The following DPP10 variants were observed in gnomAD, a reference collection of about 807,000 sequenced individuals.
DPP10 encodes the protein dipeptidyl peptidase like 10.
DPP10 carries 33 observed loss-of-function variants against 120.9 expected under a neutral mutation model. The observed-to-expected ratio is 0.27, with a 90% CI of 0.21 to 0.37. DPP10 has a LOEUF of 0.37. DPP10 is among the 10% of genes least tolerant of loss of function. DPP10 has a pLI of 1.00. For missense variants in DPP10, 816 were observed against 942.8 expected, an observed-to-expected ratio of 0.87 and a Z score of 1.76; for synonymous variants, 337 against 326.1, an observed-to-expected ratio of 1.03 and a Z score of -0.36.
Position 114,548,314 on chromosome 2 carries a change from G to A in DPP10, c.60+105476G>A, listed in dbSNP as rs554425145. On this transcript the variant is annotated intron_variant, in intron 1 of 25. Coordinates refer to ENST00000410059, the MANE Select transcript of DPP10 (RefSeq NM_020868.6). ...TCATAGCACCATGCTCAGAAATGGTGATGTCATGTTAAGGTACAAAATAAA... is the reference window on the plus strand; with the variant it reads ...TCATAGCACCATGCTCAGAAATGGTAATGTCATGTTAAGGTACAAAATAAA... Among the ~76,000 whole-genome samples, 62 of 152,138 alleles carry A rather than the reference G, an allele frequency of 4.1e-4. 1 individual carries two copies. The highest frequency in any genetic ancestry group is 1.6e-3 in the Admixed American group (24 of 15,274).
At chr2:115,033,893 CT>C (rs965717193) in intron 1 of DPP10, among the ~76,000 whole-genome samples, 2,048 of 89,910 alleles carry the variant, frequency 0.023, 22 homozygotes, top group African/African-American at 0.077. Flanking sequence ...TTTTCTTTTT[CT>C]TTTTTTTTTT....
chr2:115,441,817 C>CTTTTTTTTTT (rs561102084), intron 3 of DPP10, among the ~76,000 whole-genome samples: 2 of 124,480 alleles, frequency 1.6e-5, no homozygotes, highest in African/African-American at 6.3e-5. Flanking sequence ...TTCTTTCTTT[C>CTTTTTTTTTT]TTTTTTTTTT....
At chr2:115,539,740 A>G (rs554828201) in intron 5 of DPP10, among the ~76,000 whole-genome samples, 1 of 151,820 alleles carries the variant, frequency 6.6e-6, no homozygotes, top group Non-Finnish European at 1.5e-5. Flanking sequence ...ATCTTTTTTG[A>G]AAAGTATCAA....
At chr2:115,602,994 G>A (rs1010395044) in intron 5 of DPP10, among the ~76,000 whole-genome samples, 1 of 151,960 alleles carries the variant, frequency 6.6e-6, no homozygotes, top group Non-Finnish European at 1.5e-5. Context: ...ATGCTTATTG[G>A]CATGTTACCT....
intron 1 of DPP10, among the ~76,000 whole-genome samples, chr2:114,738,132 A>G (rs1419779412): frequency 6.6e-6 from 1 of 152,178 alleles, no homozygotes; most frequent in African/African-American, 2.4e-5. Context: ...AGAATTCACT[A>G]TCACAAGAAC....
At chr2:115,707,657 A>G (rs978139781) in intron 7 of DPP10, among the ~76,000 whole-genome samples, 4 of 151,872 alleles carry the variant, frequency 2.6e-5, no homozygotes, top group African/African-American at 9.7e-5. Context: ...AACTTAAATT[A>G]TTATTATGGG....
chr2:115,666,378 A>G (rs1416716199), intron 5 of DPP10, among the ~76,000 whole-genome samples: 2 of 152,174 alleles, frequency 1.3e-5, no homozygotes, highest in African/African-American at 4.8e-5. Flanking sequence ...CCTCACTTGT[A>G]AAATCATCAG....
At chr2:114,606,796 T>C (rs1692844218) in intron 1 of DPP10, among the ~76,000 whole-genome samples, 2 of 152,216 alleles carry the variant, frequency 1.3e-5, no homozygotes, top group Admixed American at 1.3e-4. Flanking sequence ...TATTTAAACC[T>C]GGACTCTCTT....
At chr2:114,790,849 A>C (rs1683179201) in intron 1 of DPP10, among the ~76,000 whole-genome samples, 1 of 152,200 alleles carries the variant, frequency 6.6e-6, no homozygotes, top group South Asian at 2.1e-4. Flanking sequence ...TTCTTCAGTT[A>C]CTTCAGGCCA....
chr2:115,784,830 C>A (rs532242760), intron 17 of DPP10, among the ~76,000 whole-genome samples: 1 of 152,258 alleles, frequency 6.6e-6, no homozygotes, highest in Non-Finnish European at 1.5e-5. Context: ...CCATGCCTAG[C>A]AGAAACTTAA....
At chr2:115,448,760 C>T (rs1472266381) in intron 3 of DPP10, among the ~76,000 whole-genome samples, 2 of 152,026 alleles carry the variant, frequency 1.3e-5, no homozygotes, top group Non-Finnish European at 2.9e-5. Context: ...TTATAAAATG[C>T]TATTCCATTT....
intron 9 of DPP10, among the ~76,000 whole-genome samples, chr2:115,744,141 A>G (rs1470382545): frequency 6.6e-6 from 1 of 150,634 alleles, no homozygotes; most frequent in Non-Finnish European, 1.5e-5. Flanking sequence ...AGAGATTCTA[A>G]TTCCAAGTCT....
intron 1 of DPP10, among the ~76,000 whole-genome samples, chr2:115,103,836 C>G (rs1287056790): frequency 3.3e-5 from 5 of 152,104 alleles, no homozygotes; most frequent in African/African-American, 4.8e-5. Flanking sequence ...GCTTCCCAAC[C>G]AGGAATGTAC....
At chr2:115,755,084 C>A (rs1295910719) in intron 11 of DPP10, among the ~76,000 whole-genome samples, 2 of 152,142 alleles carry the variant, frequency 1.3e-5, no homozygotes, top group Non-Finnish European at 2.9e-5. Flanking sequence ...CAGAAAGTTT[C>A]TTTGTCCTCT....
At chr2:114,812,761 T>C (rs1468855124) in intron 1 of DPP10, among the ~76,000 whole-genome samples, 1 of 152,168 alleles carries the variant, frequency 6.6e-6, no homozygotes, top group Non-Finnish European at 1.5e-5. Context: ...TGTTTGTTTT[T>C]GTCTGTCATA....
chr2:114,525,246 A>G (rs1253740618), intron 1 of DPP10, among the ~76,000 whole-genome samples: 1 of 152,256 alleles, frequency 6.6e-6, no homozygotes, highest in Admixed American at 6.5e-5. Context: ...TATTTGGCAA[A>G]GAAGGTAATG....
At chr2:114,579,660 T>G (rs1394765597) in intron 1 of DPP10, among the ~76,000 whole-genome samples, 3 of 152,186 alleles carry the variant, frequency 2.0e-5, no homozygotes, top group Admixed American at 1.3e-4. Context: ...AGTATAAGAC[T>G]TGGGAGCTTT....
rs148549957 is a variant in DPP10, at chr2:115,122,787, C to A, written c.61-186452C>A. On this transcript the variant is annotated intron_variant, in intron 1 of 25. Transcript: ENST00000410059. ...TACACGGCCTTAGGCTTTAGCCCTA[C>A]CACTCTCAGGAGCCTCCTGTCCAAG... Among the ~76,000 whole-genome samples the A allele has an allele frequency of 4.7e-3, 719 of 152,268 alleles. 3 individuals carry two copies. Among genetic ancestry groups the A allele is most frequent in the Non-Finnish European group, 7.7e-3 (525 of 68,016 alleles).
chr2:115,177,198 G>T (rs1283512814), intron 1 of DPP10, among the ~76,000 whole-genome samples: 1 of 152,162 alleles, frequency 6.6e-6, no homozygotes, highest in Non-Finnish European at 1.5e-5. Flanking sequence ...ACATGTACAT[G>T]TACGTGTGTG....
Sources: allele counts gnomAD v4.1 joint callset (sites outside exome capture counted in the v4.1 genomes callset), GRCh38; gene constraint gnomAD v4.1.1; transcripts MANE v1.5; gene names NCBI Gene and HGNC (gene_info 2026-07-23, HGNC 2026-07-21).